Variants in JDP2 observed in about 807,000 individuals in gnomAD.
JDP2 encodes progesterone receptor co-activator.
A neutral mutation model predicts 17.1 loss-of-function variants in JDP2; 9 were observed. That is an observed-to-expected ratio of 0.53 (90% CI 0.32 to 0.92). JDP2 has a LOEUF of 0.92. Ranked by LOEUF, JDP2 falls within the 40% of genes least tolerant of loss-of-function variation. The pLI is 0.04. For synonymous variants in JDP2, 107 were observed against 95.6 expected (o/e 1.12, Z -0.69); for missense variants, 179 against 220.0 (o/e 0.81, Z 1.18).
intron 3 of JDP2, among the ~76,000 whole-genome samples, chr14:75,463,454 G>A (rs1269854438): frequency 6.6e-6 from 1 of 152,016 alleles, no homozygotes; most frequent in East Asian, 1.9e-4. Context: ...CAGGCAGGCG[G>A]TGTCGGCAGT....
intron 2 of JDP2, among the ~76,000 whole-genome samples, chr14:75,441,842 C>T (rs988807074): frequency 2.6e-5 from 4 of 152,194 alleles, no homozygotes; most frequent in Non-Finnish European, 2.9e-5. Context: ...TCCCTATTGG[C>T]CTGAAGATCT....
At position 75,430,694 on chromosome 14, in the gene JDP2, C is replaced by G. The variant is rs1594941606; in HGVS notation, c.-24+2442C>G. On this transcript the variant is annotated intron_variant, in intron 1 of 3. Transcript: ENST00000651602. This position sits in a 1 kb window ranked among gnomAD's most constrained non-coding sequence, Gnocchi z 4.5. ...AAACCGGGCCTGGCTCATTCTGTTG[C>G]TTGTCTTGGCAGTCGGTTCCGTGGC... Among the ~76,000 whole-genome samples the G allele has an allele frequency of 6.6e-6, 1 of 152,068 alleles. No homozygotes were observed. The highest frequency in any genetic ancestry group is 1.9e-4 in the East Asian group (1 of 5,188).
At chr14:75,447,463 C>T (rs1885654518) in intron 2 of JDP2, among the ~76,000 whole-genome samples, 1 of 151,876 alleles carries the variant, frequency 6.6e-6, no homozygotes, top group South Asian at 2.1e-4. Context: ...TAAAAAAAGG[C>T]AAGATCCACA....
At chr14:75,445,800 A>G (rs1490089248) in intron 2 of JDP2, 1 of 166,540 alleles carries the variant, frequency 6.0e-6, no homozygotes, top group Non-Finnish European at 1.2e-5. Context: ...GCAACAAAAT[A>G]AAAAAAATAA....
At chr14:75,464,963 C>T (rs1284629903) in intron 3 of JDP2, among the ~76,000 whole-genome samples, 1 of 152,216 alleles carries the variant, frequency 6.6e-6, no homozygotes, top group Non-Finnish European at 1.5e-5. Flanking sequence ...ATCTCACACT[C>T]CCGTGGTGCC....
intron 1 of JDP2, among the ~76,000 whole-genome samples, chr14:75,431,492 G>C (rs539850396): frequency 6.6e-6 from 1 of 152,242 alleles, no homozygotes; most frequent in African/African-American, 2.4e-5. Context: ...GATGCTGGCT[G>C]TCTGCCTTGG....
At position 75,473,690 on chromosome 14, in the gene JDP2, C is replaced by T. The variant is rs1039390602; in HGVS notation, c.*4215C>T. ...TATCAATATGGATAAATCTCAGAAA[C>T]CTACTGTTGAGATGGAGGGTAGGGG... On this transcript the variant is annotated 3_prime_UTR_variant, in exon 4 of 4. Coordinates refer to ENST00000651602, the MANE Select transcript of JDP2 (RefSeq NM_001135048.2). 102 of 152,272 alleles carry T rather than the reference C, an allele frequency of 6.7e-4. 1 individual carries two copies. The highest frequency in any genetic ancestry group is 2.2e-3 in the African/African-American group (90 of 41,550). The allele number at this position is 152,272 out of a possible 1,614,324, so 9.4% of individuals were successfully genotyped here. A position where few individuals can be genotyped will look rare whatever the true frequency, so the allele number is the denominator to read the frequency against.
intron 3 of JDP2, 139 bp downstream of exon 3, chr14:75,461,669 C>A: frequency 1.5e-6 from 1 of 666,086 alleles, no homozygotes; most frequent in Non-Finnish European, 2.6e-6. Context: ...GGCCCCTCTG[C>A]TCTTTCCTAC....
At chr14:75,462,088 C>T (rs1319297053) in intron 3 of JDP2, among the ~76,000 whole-genome samples, 1 of 152,242 alleles carries the variant, frequency 6.6e-6, no homozygotes, top group African/African-American at 2.4e-5. Flanking sequence ...AATAAGAGGT[C>T]AGCTCTGCAT....
intron 2 of JDP2, among the ~76,000 whole-genome samples, chr14:75,440,539 A>G (rs1224043172): frequency 6.6e-6 from 1 of 152,226 alleles, no homozygotes; most frequent in African/African-American, 2.4e-5. Context: ...TAAGCATTTA[A>G]TATGTCCCAG....
intron 2 of JDP2, among the ~76,000 whole-genome samples, chr14:75,441,945 G>A (rs1214066639): frequency 6.6e-6 from 1 of 152,010 alleles, no homozygotes; most frequent in Admixed American, 6.6e-5. Flanking sequence ...GGGAGGGGAG[G>A]GAGGCCTGAA....
At chr14:75,459,427 G>T (rs1297891045) in intron 2 of JDP2, among the ~76,000 whole-genome samples, 1 of 152,194 alleles carries the variant, frequency 6.6e-6, no homozygotes, top group Non-Finnish European at 1.5e-5. Flanking sequence ...CGCCTCTGCA[G>T]CTGACTCCCA....
At chr14:75,429,901 G>A (rs1331698005) in intron 1 of JDP2, among the ~76,000 whole-genome samples, 1 of 152,152 alleles carries the variant, frequency 6.6e-6, no homozygotes, top group African/African-American at 2.4e-5. Context: ...AGTCATGGGT[G>A]TGTAGACCTC....
intron 2 of JDP2, among the ~76,000 whole-genome samples, chr14:75,438,977 C>A (rs1366731935): frequency 6.6e-6 from 1 of 152,090 alleles, no homozygotes; most frequent in African/African-American, 2.4e-5. Context: ...AAAGGAGGAG[C>A]CTGTGGTGGG....
intron 2 of JDP2, among the ~76,000 whole-genome samples, chr14:75,458,377 T>C (rs1348408326): frequency 1.3e-5 from 2 of 152,220 alleles, no homozygotes; most frequent in Non-Finnish European, 2.9e-5. Flanking sequence ...TGTGTCCGTG[T>C]GTTCTCATCA....
intron 2 of JDP2, among the ~76,000 whole-genome samples, chr14:75,449,668 A>G (rs1031121082): frequency 1.3e-5 from 2 of 152,236 alleles, no homozygotes; most frequent in African/African-American, 4.8e-5. Context: ...AGTCATAAAT[A>G]TGAAATGGGC....
chr14:75,437,756 C>T (rs997290580), intron 1 of JDP2, 142 bp from the exon 2 acceptor site: 6 of 601,730 alleles, frequency 1.0e-5, no homozygotes, highest in East Asian at 2.8e-5. Context: ...AAGGACTTTA[C>T]GGCAGGAAGA....
At chr14:75,460,595 G>T (rs762137718) in intron 2 of JDP2, among the ~76,000 whole-genome samples, 1 of 152,202 alleles carries the variant, frequency 6.6e-6, no homozygotes, top group Non-Finnish European at 1.5e-5. Context: ...AGAGGGCTTG[G>T]GCTGGGCAAA....
At chr14:75,440,997 C>T (rs1011708984) in intron 2 of JDP2, among the ~76,000 whole-genome samples, 1 of 152,206 alleles carries the variant, frequency 6.6e-6, no homozygotes, top group African/African-American at 2.4e-5. Context: ...GGCTTCTAAC[C>T]AGAGCTCTGT....
Sources: allele counts gnomAD v4.1 joint callset (sites outside exome capture counted in the v4.1 genomes callset), GRCh38; gene constraint gnomAD v4.1.1; non-coding constraint Gnocchi (gnomAD v3.1); transcripts MANE v1.5; gene names NCBI Gene and HGNC (gene_info 2026-07-23, HGNC 2026-07-21).